PAK6: variants seen among roughly 807,000 people sequenced by gnomAD.
PAK6 encodes p21 (RAC1) activated kinase 6.
A neutral mutation model predicts 60.8 loss-of-function variants in PAK6; 33 were observed. The observed-to-expected ratio is 0.54, with a 90% CI of 0.41 to 0.73. The LOEUF (loss-of-function observed/expected upper bound fraction) is 0.73. Ranked by LOEUF, PAK6 falls within the 30% of genes least tolerant of loss-of-function variation. The probability of loss-of-function intolerance (pLI) is 0.00; values close to 1 mark genes in which losing one functional copy is unlikely to be tolerated. For missense variants in PAK6, 845 were observed against 904.1 expected (o/e 0.93, Z 0.84); for synonymous variants, 404 against 378.5 (o/e 1.07, Z -0.78).
At chr15:40,266,716 TC>T in intron 5 of PAK6, 1 of 490,182 alleles carries the variant, frequency 2.0e-6, no homozygotes. Flanking sequence ...TTGTGTTGTT[TC>T]CCATTTCTGT....
At chr15:40,266,242 C>T (rs1368409522) in exon 5 of PAK6, 2 of 1,610,466 alleles carry the variant, frequency 1.2e-6, no homozygotes, top group East Asian at 2.2e-5. Flanking sequence ...CTGCAGAGCT[C>T]CCCACCAGGA....
Position 40,261,588 on chromosome 15 carries a change from C to A in PAK6, c.-5-3193C>A, listed in dbSNP as rs139921029. On this transcript the variant is annotated intron_variant, in intron 3 of 10. Transcript: ENST00000560346. ...TTGAATCAGGGACCTTCTAAATTCACTCCCTTAATCCCAGTTTTATGTAGA... is the reference window on the plus strand; with the variant it reads ...TTGAATCAGGGACCTTCTAAATTCAATCCCTTAATCCCAGTTTTATGTAGA... Among the ~76,000 whole-genome samples the A allele has an allele frequency of 6.2e-4, 94 of 152,220 alleles. 2 individuals carry two copies. The East Asian group carries it at 7.7e-3, about 13-fold the overall frequency.
At position 40,264,223 on chromosome 15, in the gene PAK6, T is replaced by TA. The variant is rs545305961; in HGVS notation, c.-5-547dup. 2.4e-3 allele frequency among the ~76,000 whole-genome samples: 350 copies of TA among 143,816 alleles called. 2 individuals are homozygous for TA. The highest frequency in any genetic ancestry group is 4.8e-3 in the East Asian group (24 of 5,008). 94.3% of individuals were successfully genotyped at this position (143,816 alleles called of 152,430 possible). ...ATCCTGGGACAAAGCTGAGTTGTAA[T>TA]AAAAAAAAAAAGCCAACAAAAAAAT... On this transcript the variant is annotated intron_variant, in intron 3 of 10. Coordinates refer to ENST00000560346, the Ensembl canonical transcript of PAK6.
chr15:40,252,753 C>T, intron 2 of PAK6: 2 of 1,301,896 alleles, frequency 1.5e-6, no homozygotes, highest in Non-Finnish European at 1.0e-6. Context: ...ACACGCGCAG[C>T]CCCCTTCCTG....
intron 2 of PAK6, chr15:40,252,770 C>T: frequency 7.7e-7 from 1 of 1,301,384 alleles, no homozygotes; most frequent in Non-Finnish European, 1.0e-6. Flanking sequence ...CCTGGGTGCC[C>T]ATGCCCCGAA....
chr15:40,271,689 C>T (rs1042455685), intron 5 of PAK6, among the ~76,000 whole-genome samples: 2 of 152,116 alleles, frequency 1.3e-5, no homozygotes, highest in African/African-American at 4.8e-5. Flanking sequence ...GCAGGGCTAT[C>T]GGGCCCCAGG....
chr15:40,253,004 C>G (rs966471808), intron 2 of PAK6, 174 bp from the exon 3 acceptor site: 1 of 445,740 alleles, frequency 2.2e-6, no homozygotes, highest in Middle Eastern at 8.5e-4. Context: ...GCCCAACGTC[C>G]CCTTCTCCCC....
chr15:40,266,173 C>A, exon 5 of PAK6: 5 of 1,609,076 alleles, frequency 3.1e-6, no homozygotes, highest in Non-Finnish European at 4.2e-6. Context: ...AAGGCACAGT[C>A]CCTGGGCCCC....
At chr15:40,248,767 T>C (rs1204642140) in intron 2 of PAK6, among the ~76,000 whole-genome samples, 1 of 152,234 alleles carries the variant, frequency 6.6e-6, no homozygotes, top group Non-Finnish European at 1.5e-5. Flanking sequence ...CGTGACAGCC[T>C]GCCTGGGCAG....
rs56349744 is a variant in PAK6, at chr15:40,266,187, G to A, written c.550G>A (p.Glu184Lys). The A allele has an allele frequency of 5.8e-5, 93 of 1,609,480 alleles. No individual in the cohort carries two copies. The highest frequency in any genetic ancestry group is 1.7e-4 in the Middle Eastern group (1 of 6,060). Reference sequence around the variant, plus strand: ...AAAGGCACAGTCCCTGGGCCCCGCCGAGTTTCAGGGTGCCTCGCAGCGCTG... The same window carrying A: ...AAAGGCACAGTCCCTGGGCCCCGCCAAGTTTCAGGGTGCCTCGCAGCGCTG... The change falls in exon 5 of 11, where the codon GAG becomes AAG. Residue 184 changes from glutamate (E) to lysine (K), a missense_variant. Glu to Lys is a moderately conservative substitution (Grantham distance 56). Transcript: ENST00000560346.
chr15:40,248,940 A>G (rs1371675912), intron 2 of PAK6, among the ~76,000 whole-genome samples: 1 of 152,214 alleles, frequency 6.6e-6, no homozygotes, highest in African/African-American at 2.4e-5. Context: ...TCCTCCCCTC[A>G]GTAACTGGCT....
At chr15:40,266,247 C>A in exon 5 of PAK6, 1 of 1,610,614 alleles carries the variant, frequency 6.2e-7, no homozygotes, top group Non-Finnish European at 8.5e-7. Context: ...GAGCTCCCCA[C>A]CAGGAGCCTC....
chr15:40,268,186 C>A (rs1172557503), intron 5 of PAK6, among the ~76,000 whole-genome samples: 2 of 152,168 alleles, frequency 1.3e-5, no homozygotes, highest in Non-Finnish European at 2.9e-5. Flanking sequence ...GCAACTCAGA[C>A]ACATCTTTCA....
At chr15:40,253,574 C>T (rs2038751050) in intron 3 of PAK6, among the ~76,000 whole-genome samples, 2 of 152,248 alleles carry the variant, frequency 1.3e-5, no homozygotes, top group African/African-American at 4.8e-5. Flanking sequence ...GATGCCTGTC[C>T]TGGGTGAGGG....
intron 3 of PAK6, among the ~76,000 whole-genome samples, chr15:40,260,702 TTTAAA>T (rs2038959111): frequency 6.6e-6 from 1 of 152,248 alleles, no homozygotes; most frequent in Non-Finnish European, 1.5e-5. Flanking sequence ...TTGTTTGAGA[TTTAAA>T]TTAATCTGCA....
In PAK6 at chr15:40,276,258, G is replaced by A. The variant is rs956354542; in HGVS notation, c.*164G>A. 49 of 654,228 alleles carry A rather than the reference G, an allele frequency of 7.5e-5. 1 individual carries two copies. Among genetic ancestry groups the A allele is most frequent in the South Asian group, 6.7e-4 (35 of 52,086 alleles). The allele number at this position is 654,228 out of a possible 1,614,324, so 40.5% of individuals were successfully genotyped here. A position where few individuals can be genotyped will look rare whatever the true frequency, so the allele number is the denominator to read the frequency against. On this transcript the variant is annotated 3_prime_UTR_variant, in exon 11 of 11. Transcript: ENST00000560346. Reference sequence around the variant, plus strand: ...GCCCTTCAGCCTACTGGGCCAGGCCGGACCTGCCCCCTCAGTGTCTCTCCC... The same window carrying A: ...GCCCTTCAGCCTACTGGGCCAGGCCAGACCTGCCCCCTCAGTGTCTCTCCC...
intron 5 of PAK6, among the ~76,000 whole-genome samples, chr15:40,267,921 G>T (rs1263580023): frequency 2.6e-5 from 4 of 152,198 alleles, no homozygotes; most frequent in Non-Finnish European, 4.4e-5. Context: ...GAGTCCTGCT[G>T]CGAGGCCTCA....
At chr15:40,274,354 C>T (rs906018316) in intron 10 of PAK6, 78 bp downstream of exon 10, 1 of 1,440,062 alleles carries the variant, frequency 6.9e-7, no homozygotes, top group Non-Finnish European at 9.4e-7. Context: ...GGGCTCCCAG[C>T]ATCTCCCTTC....
At chr15:40,276,040 T>C in exon 11 of PAK6, 1 of 1,612,812 alleles carries the variant, frequency 6.2e-7, no homozygotes, top group Non-Finnish European at 8.5e-7. Context: ...CAGGGCTACC[T>C]GAGTGCCTGG....
Sources: gnomAD v4.1 joint callset for allele counts (sites outside exome capture counted in the v4.1 genomes callset) on GRCh38, gnomAD v4.1.1 for gene constraint, MANE v1.5 for transcripts, NCBI Gene and HGNC (gene_info 2026-07-23, HGNC 2026-07-21) for gene names.